The following MVP variants were observed in gnomAD, a reference collection of about 807,000 sequenced individuals.
MVP encodes the protein lung resistance-related protein.
A neutral mutation model predicts 83.5 loss-of-function variants in MVP; 62 were observed. The observed-to-expected ratio is 0.74, with a 90% CI of 0.61 to 0.92. The LOEUF is 0.92. Among genes scored for constraint, MVP ranks in the 40% least tolerant of loss-of-function variants. The pLI, the probability that MVP is intolerant of heterozygous loss-of-function variation, is 0.00. For synonymous variants in MVP, 505 were observed against 504.1 expected, an observed-to-expected ratio of 1.00 and a Z score of -0.02; for missense variants, 1,000 against 1,203.4, an observed-to-expected ratio of 0.83 and a Z score of 2.50.
At position 29,846,151 on chromosome 16, in the gene MVP, T is replaced by TC; in HGVS notation, c.2139-3dup. ...CCGGGTCTTACCTGACTCTGCCTTC[T>TC]CCCCAGCATGGCCGTGGAGAGCACC... On this transcript the variant is annotated splice_region_variant and splice_polypyrimidine_tract_variant and intron_variant, in intron 12 of 14. Coordinates refer to ENST00000357402, the MANE Select transcript of MVP (RefSeq NM_005115.5). The TC allele has an allele frequency of 6.2e-7, 1 of 1,608,776 alleles. No homozygotes were observed. Among genetic ancestry groups the TC allele is most frequent in the Non-Finnish European group, 8.5e-7 (1 of 1,177,246 alleles).
intron 8 of MVP, among the ~76,000 whole-genome samples, chr16:29,840,934 G>C (rs1489536167): frequency 6.6e-6 from 1 of 151,870 alleles, no homozygotes; most frequent in Non-Finnish European, 1.5e-5. Flanking sequence ...GTGAGACTCT[G>C]TCAAAAAAAA....
At chr16:29,822,092 T>G (rs79709976) in intron 1 of MVP, among the ~76,000 whole-genome samples, 101 of 151,266 alleles carry the variant, frequency 6.7e-4, no homozygotes, top group Non-Finnish European at 9.2e-4. Context: ...GTTTTGTTTT[T>G]TTTTTTTTTT....
chr16:29,823,791 G>A (rs1271949896), intron 1 of MVP, among the ~76,000 whole-genome samples: 1 of 150,478 alleles, frequency 6.6e-6, no homozygotes, highest in Admixed American at 6.6e-5. Flanking sequence ...GCAGTGATCC[G>A]AGATCGTGCC....
chr16:29,844,413 A>G, intron 10 of MVP, 80 bp from the exon 11 acceptor site: 3 of 1,495,946 alleles, frequency 2.0e-6, no homozygotes, highest in Non-Finnish European at 2.7e-6. Context: ...AGCCTGGGCA[A>G]CATGGCAAGA....
intron 7 of MVP, 158 bp from the exon 8 acceptor site, chr16:29,840,020 C>CAA: frequency 1.5e-6 from 1 of 669,066 alleles, no homozygotes; most frequent in Non-Finnish European, 2.5e-6. Flanking sequence ...CCTCACAGTC[C>CAA]AGACAGTGCC....
At chr16:29,829,041 G>A (rs963686440) in intron 1 of MVP, among the ~76,000 whole-genome samples, 2 of 151,080 alleles carry the variant, frequency 1.3e-5, no homozygotes, top group African/African-American at 2.4e-5. Context: ...GGGGTTGGAG[G>A]CTGGGTAGAT....
Position 29,840,371 on chromosome 16 carries a change from C to T in MVP, c.1103C>T (p.Ser368Phe). ...LIRGPLEYVP[S>F]AKVEVVEERQ... is the part of the protein sequence containing the mutation. The stretch of plus-strand genomic sequence containing the variant: ...CGCGGACCCCTGGAGTATGTGCCAT[C>T]TGCCAAAGTGGAGGTGGTGGAGGAG... The change falls in exon 8 of 15, where the codon TCT becomes TTT. Residue 368 changes from serine (S) to phenylalanine (F), a missense_variant. By Grantham distance (155) the Ser-to-Phe change is radical (BLOSUM62 -2). Coordinates refer to ENST00000357402, the MANE Select transcript of MVP (RefSeq NM_005115.5). 2 of 1,603,110 alleles carry T rather than the reference C, an allele frequency of 1.2e-6. No individual in the cohort carries two copies. Among genetic ancestry groups the T allele is most frequent in the Middle Eastern group, 1.7e-4 (1 of 6,050 alleles).
At chr16:29,826,429 T>G (rs2067404890) in intron 1 of MVP, among the ~76,000 whole-genome samples, 1 of 152,052 alleles carries the variant, frequency 6.6e-6, no homozygotes. Flanking sequence ...ACCAGGATTT[T>G]GAGACCAGCC....
Position 29,847,246 on chromosome 16 carries a change from AT to A in MVP, c.2316del (p.Tyr772Ter). 1 of 1,613,746 alleles carries A rather than the reference AT, an allele frequency of 6.2e-7. No individual in the cohort carries two copies. The highest frequency in any genetic ancestry group is 8.5e-7 in the Non-Finnish European group (1 of 1,179,990). Reference sequence around the variant, plus strand: ...AAGGTCCGAGAGCTGGAACTGGTCTATGCCCGGGCCCAGCTGGAGCTGGAGG... The same window carrying A: ...AAGGTCCGAGAGCTGGAACTGGTCTAGCCCGGGCCCAGCTGGAGCTGGAGG... ...VQKVRELELVYARAQLELEVS... is the reference protein window; with the variant it reads ...VQKVRELELVXARAQLELEVS... On this transcript the variant is annotated frameshift_variant, in exon 14 of 15. Transcript: ENST00000357402. LOFTEE classifies it high-confidence loss of function.
At chr16:29,836,598 C>T (rs1240147365) in intron 6 of MVP, 124 bp from the exon 7 acceptor site, 10 of 761,174 alleles carry the variant, frequency 1.3e-5, no homozygotes, top group Non-Finnish European at 2.1e-5. Context: ...AAAAACAATC[C>T]CTGGATTGGT....
Position 29,845,441 on chromosome 16 carries a change from T to C in MVP, c.2022-422T>C, listed in dbSNP as rs2067576240. ...CCTGAAGGCCTTTTGCAATGGCTAT[T>C]CCTGCTGCCCAGAAAGCTTCCCCCC... On this transcript the variant is annotated intron_variant, in intron 11 of 14. Coordinates refer to ENST00000357402, the MANE Select transcript of MVP (RefSeq NM_005115.5). Among the ~76,000 whole-genome samples the C allele has an allele frequency of 1.3e-5, 2 of 152,090 alleles. 1 individual carries two copies.
rs770961518 is a variant in MVP, at chr16:29,847,818, T to C, written c.2511T>C (p.Thr837=). ...LKSTLITDGS[T]PINLFNTAFG... The stretch of plus-strand genomic sequence containing the variant: ...CAACCCTCATCACCGATGGCTCCAC[T>C]CCCATCAACCTCTTCAACACAGCCT... Residue 837 remains threonine (T), a synonymous_variant, in exon 15 of 15, where the codon ACT becomes ACC. Coordinates refer to ENST00000357402, the MANE Select transcript of MVP (RefSeq NM_005115.5). The C allele has an allele frequency of 1.2e-6, 2 of 1,614,136 alleles. No homozygotes were observed. Among genetic ancestry groups the C allele is most frequent in the Non-Finnish European group, 1.7e-6 (2 of 1,180,018 alleles).
rs778012780 is a variant in MVP at position 29,844,642 on chromosome 16, C to T, written c.1784C>T (p.Ser595Leu). ...ACTTTCGATGACTTCCATAAGAACT[C>T]AGCCCGCATCATTCGCACTGCTGTC... Reference protein sequence around the residue: ...SVTFDDFHKNSARIIRTAVFG... With the variant: ...SVTFDDFHKNLARIIRTAVFG... Residue 595 changes from serine (S) to leucine (L), a missense_variant, in exon 11 of 15, where the codon TCA becomes TTA. Transcript: ENST00000357402. 1.9e-6 allele frequency: 3 copies of T among 1,614,178 alleles called. No homozygotes were observed. Among genetic ancestry groups the T allele is most frequent in the Admixed American group, 3.3e-5 (2 of 60,018 alleles).
intron 7 of MVP, among the ~76,000 whole-genome samples, chr16:29,837,184 G>A (rs922065343): frequency 2.6e-5 from 4 of 152,166 alleles, no homozygotes; most frequent in African/African-American, 9.7e-5. Flanking sequence ...AGGCCTCCTG[G>A]CTACCCGCTG....
chr16:29,822,059 C>CT (rs1172669071), intron 1 of MVP, among the ~76,000 whole-genome samples: 2 of 150,354 alleles, frequency 1.3e-5, no homozygotes, highest in Non-Finnish European at 3.0e-5. Flanking sequence ...GACCCTGTCT[C>CT]TGTTTGTGTG....
chr16:29,840,605 C>T lies in MVP; in HGVS notation c.1191+146C>T, dbSNP rs562377537. 4.3e-5 allele frequency: 40 copies of T among 930,588 alleles called. 1 individual carries two copies. The South Asian group carries it at 5.1e-4, about 12-fold the overall frequency. 57.6% of individuals were successfully genotyped at this position (930,588 alleles called of 1,614,324 possible). On this transcript the variant is annotated intron_variant, in intron 8 of 14. Coordinates refer to ENST00000357402, the MANE Select transcript of MVP (RefSeq NM_005115.5). ...GCTGTCTGGTTGGGGGAGGGCACTA[C>T]GTGGAGTGTTTGCCATCCTTCTGCC...
At chr16:29,834,468 A>AG in intron 5 of MVP, 1 of 269,296 alleles carries the variant, frequency 3.7e-6, no homozygotes, top group South Asian at 3.7e-5. Flanking sequence ...CAGGAGCTTA[A>AG]GACCAGCCTG....
chr16:29,841,076 A>G lies in MVP; in HGVS notation c.1192-520A>G, dbSNP rs935042645. 2.6e-5 allele frequency among the ~76,000 whole-genome samples: 4 copies of G among 151,972 alleles called. No individual in the cohort carries two copies. The highest frequency in any genetic ancestry group is 2.0e-4 in the Admixed American group (3 of 15,228). ...AGGAAGGACCTCCTCCCTCATGCCCATATCCCGGTGGAATCTTTCATTTTT... is the reference window on the plus strand; with the variant it reads ...AGGAAGGACCTCCTCCCTCATGCCCGTATCCCGGTGGAATCTTTCATTTTT... On this transcript the variant is annotated intron_variant, in intron 8 of 14. Coordinates refer to ENST00000357402, the MANE Select transcript of MVP (RefSeq NM_005115.5). The surrounding 1 kb of genome is among the most constrained non-coding windows in gnomAD (Gnocchi z 4.7).
intron 1 of MVP, among the ~76,000 whole-genome samples, chr16:29,824,072 T>C (rs183340035): frequency 6.6e-6 from 1 of 151,354 alleles, no homozygotes; most frequent in Non-Finnish European, 1.5e-5. Flanking sequence ...CAAAATTATC[T>C]GGGTGTGGTG....
Sources: gnomAD v4.1 joint callset for allele counts (sites outside exome capture counted in the v4.1 genomes callset) on GRCh38, gnomAD v4.1.1 for gene constraint, Gnocchi (gnomAD v3.1) non-coding constraint, MANE v1.5 for transcripts, NCBI Gene and HGNC (gene_info 2026-07-23, HGNC 2026-07-21) for gene names.